The following COBLL1 variants were observed in gnomAD, a reference collection of about 807,000 sequenced individuals.
COBLL1 encodes the protein cordon-bleu protein-like 1.
In COBLL1, 50 loss-of-function variants were observed where a neutral mutation model predicts 94.8. The ratio of observed to expected loss-of-function variants is 0.53; its 90% CI spans 0.42 to 0.67. The LOEUF (loss-of-function observed/expected upper bound fraction) is 0.67. Ranked by LOEUF, COBLL1 falls within the 30% of genes least tolerant of loss-of-function variation. COBLL1 has a pLI of 0.00. For synonymous variants in COBLL1, 448 were observed against 473.8 expected (o/e 0.95, Z 0.71); for missense variants, 1,362 against 1,348.7 (o/e 1.01, Z -0.15).
intron 2 of COBLL1, among the ~76,000 whole-genome samples, chr2:164,818,260 A>ATACATATATG (rs1684900823): frequency 6.8e-6 from 1 of 148,060 alleles, no homozygotes; most frequent in Admixed American, 6.7e-5. Context: ...GCATATACAC[A>ATACATATATG]TATACACGTA....
rs915498931 is a variant in COBLL1, at chr2:164,681,645, C to T, written c.*4301G>A. On this transcript the variant is annotated 3_prime_UTR_variant, in exon 14 of 14. Coordinates refer to ENST00000652658, the MANE Select transcript of COBLL1 (RefSeq NM_001365672.2). Reference sequence around the variant, plus strand: ...AGGCCATCACTATGCCTATCGCTATCGCAAGGCGTGGGCTGGAAACTAAGA... The same window carrying T: ...AGGCCATCACTATGCCTATCGCTATTGCAAGGCGTGGGCTGGAAACTAAGA... The T allele has an allele frequency of 3.9e-5, 6 of 152,188 alleles. No homozygotes were observed. Among genetic ancestry groups the T allele is most frequent in the Non-Finnish European group, 7.3e-5 (5 of 68,032 alleles). 9.4% of individuals were successfully genotyped at this position (152,188 alleles called of 1,614,324 possible).
chr2:164,829,892 C>A (rs1252238392), intron 2 of COBLL1, among the ~76,000 whole-genome samples: 1 of 152,150 alleles, frequency 6.6e-6, no homozygotes, highest in Non-Finnish European at 1.5e-5. Flanking sequence ...CTTCTCAAAT[C>A]CTAAATGGTC....
intron 2 of COBLL1, among the ~76,000 whole-genome samples, chr2:164,827,250 A>G (rs1454583574): frequency 3.9e-5 from 6 of 152,098 alleles, no homozygotes; most frequent in Non-Finnish European, 2.9e-5. Context: ...TGCCCGGCCC[A>G]TTTCTTTAAG....
intron 2 of COBLL1, among the ~76,000 whole-genome samples, chr2:164,769,488 A>T (rs1050310756): frequency 6.6e-6 from 1 of 152,202 alleles, no homozygotes; most frequent in Non-Finnish European, 1.5e-5. Context: ...ATCCCCAGTC[A>T]TCAGTAAATA....
chr2:164,784,925 G>A (rs559475266), intron 2 of COBLL1, among the ~76,000 whole-genome samples: 1 of 152,190 alleles, frequency 6.6e-6, no homozygotes, highest in South Asian at 2.1e-4. Flanking sequence ...TAATGTGACC[G>A]TGTTGGGAGG....
intron 3 of COBLL1, among the ~76,000 whole-genome samples, chr2:164,733,266 A>C (rs1448691162): frequency 6.6e-6 from 1 of 152,180 alleles, no homozygotes; most frequent in Non-Finnish European, 1.5e-5. Flanking sequence ...TAATCTAATA[A>C]ATAGTGTGGG....
intron 2 of COBLL1, among the ~76,000 whole-genome samples, chr2:164,795,997 T>A (rs1433835984): frequency 2.0e-5 from 3 of 152,162 alleles, no homozygotes; most frequent in Non-Finnish European, 2.9e-5. Flanking sequence ...GTGAGACGCA[T>A]GGTGGCACAC....
chr2:164,841,889 T>C, upstream of COBLL1: 1 of 1,249,714 alleles, frequency 8.0e-7, no homozygotes, highest in Non-Finnish European at 1.1e-6. The surrounding 1 kb of genome is among the most constrained non-coding windows in gnomAD (Gnocchi z 5.5). Flanking sequence ...ACCTCCCCTG[T>C]CCCGCGGGCG....
At chr2:164,739,517 T>C (rs1686487354) in intron 3 of COBLL1, among the ~76,000 whole-genome samples, 1 of 152,162 alleles carries the variant, frequency 6.6e-6, no homozygotes. Context: ...CCGTCAAACA[T>C]TGATAGTATT....
chr2:164,773,159 C>G (rs1450850875), intron 2 of COBLL1, among the ~76,000 whole-genome samples: 1 of 112,086 alleles, frequency 8.9e-6, no homozygotes, highest in Non-Finnish European at 1.9e-5. Context: ...ATGCTTAATT[C>G]TAGTTTGAAT....
chr2:164,818,321 T>C (rs1422912044), intron 2 of COBLL1, among the ~76,000 whole-genome samples: 6 of 147,646 alleles, frequency 4.1e-5, no homozygotes, highest in Middle Eastern at 3.3e-3. Context: ...TACACGTGTG[T>C]ATGTATACAT....
rs1685817852 is a variant in COBLL1 at position 164,728,277 on chromosome 2, T to C, written c.433-80A>G. ...TACAATAATGTCTAGAATAATGAGA[T>C]AACCTACAGTTACATATTCAAACAA... On this transcript the variant is annotated intron_variant, in intron 4 of 13. Coordinates refer to ENST00000652658, the MANE Select transcript of COBLL1 (RefSeq NM_001365672.2). The C allele has an allele frequency of 5.9e-6, 5 of 846,778 alleles. No individual in the cohort carries two copies. The South Asian group carries it at 8.0e-5, about 14-fold the overall frequency. 52.5% of individuals were successfully genotyped at this position (846,778 alleles called of 1,614,324 possible).
chr2:164,802,126 C>G (rs1243296339), intron 2 of COBLL1, among the ~76,000 whole-genome samples: 1 of 152,128 alleles, frequency 6.6e-6, no homozygotes, highest in Non-Finnish European at 1.5e-5. Flanking sequence ...TTAGTCAACT[C>G]TCAAATTAGA....
intron 2 of COBLL1, among the ~76,000 whole-genome samples, chr2:164,766,231 T>C (rs1300492889): frequency 6.6e-6 from 1 of 152,198 alleles, no homozygotes; most frequent in African/African-American, 2.4e-5. Context: ...TTGGCTATTA[T>C]GAATAATGCT....
chr2:164,841,296 G>T lies in COBLL1; in HGVS notation c.-50-50C>A, dbSNP rs1683598394. On this transcript the variant is annotated intron_variant, in intron 1 of 13. Transcript: ENST00000652658. This position sits in a 1 kb window ranked among gnomAD's most constrained non-coding sequence, Gnocchi z 5.5. Reference sequence around the variant, plus strand: ...CAGGGCGGGACGCGCGCCTTCCCGAGGCCGGAGCGAAGCTGGCTGAGCGTC... The same window carrying T: ...CAGGGCGGGACGCGCGCCTTCCCGATGCCGGAGCGAAGCTGGCTGAGCGTC... The T allele has an allele frequency of 8.2e-7, 1 of 1,216,270 alleles. No homozygotes were observed. Among genetic ancestry groups the T allele is most frequent in the Middle Eastern group, 3.2e-4 (1 of 3,098 alleles). 75.3% of individuals were successfully genotyped at this position (1,216,270 alleles called of 1,614,324 possible).
chr2:164,803,217 T>A (rs1004029694), intron 2 of COBLL1, among the ~76,000 whole-genome samples: 1 of 152,222 alleles, frequency 6.6e-6, no homozygotes, highest in African/African-American at 2.4e-5. Flanking sequence ...TGCCTCTCAA[T>A]AAATGTATTA....
At chr2:164,691,399 A>G (rs940195910) in intron 13 of COBLL1, among the ~76,000 whole-genome samples, 2 of 152,196 alleles carry the variant, frequency 1.3e-5, no homozygotes, top group Non-Finnish European at 2.9e-5. Context: ...GGAATTCACA[A>G]AATGAAATGC....
At chr2:164,741,631 T>C (rs570089051) in intron 3 of COBLL1, among the ~76,000 whole-genome samples, 22 of 152,052 alleles carry the variant, frequency 1.4e-4, no homozygotes, top group African/African-American at 5.1e-4. Flanking sequence ...TTTTCATAGA[T>C]TTAAAAAACT....
intron 5 of COBLL1, chr2:164,727,254 C>A (rs1685762840): frequency 4.0e-6 from 2 of 504,298 alleles, no homozygotes; most frequent in Non-Finnish European, 7.1e-6. Flanking sequence ...CATAAAGCCA[C>A]CACCTCAGGA....
Sources: allele counts gnomAD v4.1 joint callset (sites outside exome capture counted in the v4.1 genomes callset), GRCh38; gene constraint gnomAD v4.1.1; non-coding constraint Gnocchi (gnomAD v3.1); transcripts MANE v1.5; gene names NCBI Gene and HGNC (gene_info 2026-07-23, HGNC 2026-07-21).